Variants in JPH3 observed in about 807,000 individuals in gnomAD.
The protein encoded by JPH3 is junctophilin-3.
JPH3 carries 11 observed loss-of-function variants against 59.6 expected under a neutral mutation model. The ratio of observed to expected loss-of-function variants is 0.18; its 90% CI spans 0.12 to 0.31. The LOEUF is 0.31. Ranked by LOEUF, JPH3 falls within the 10% of genes least tolerant of loss-of-function variation. The pLI is 1.00. For missense variants in JPH3, 1,202 were observed against 1,105.7 expected (o/e 1.09, Z -1.24); for synonymous variants, 673 against 483.6 (o/e 1.39, Z -5.14).
intron 2 of JPH3, among the ~76,000 whole-genome samples, chr16:87,661,617 A>T (rs534757926): frequency 6.6e-6 from 1 of 151,920 alleles, no homozygotes; most frequent in Non-Finnish European, 1.5e-5. Flanking sequence ...CCGAGAACAC[A>T]CCCCACTTTA....
chr16:87,684,319 G>A, intron 3 of JPH3, 53 bp downstream of exon 3: 1 of 1,599,264 alleles, frequency 6.3e-7, no homozygotes, highest in Non-Finnish European at 8.5e-7. Context: ...TGCGTGGATG[G>A]CTGGGCAGTC....
In JPH3 at chr16:87,623,627, C is replaced by A. The variant is rs186561764; in HGVS notation, c.382+20099C>A. Among the ~76,000 whole-genome samples, 407 of 152,350 alleles carry A rather than the reference C, an allele frequency of 2.7e-3. 6 individuals carry two copies. The highest frequency in any genetic ancestry group is 8.8e-3 in the African/African-American group (368 of 41,586). ...CTGTGAACCCCTTGGGAGCTGCAGACCCCGAGTTCCGGACCCCCTCACCTC... is the reference window on the plus strand; with the variant it reads ...CTGTGAACCCCTTGGGAGCTGCAGAACCCGAGTTCCGGACCCCCTCACCTC... On this transcript the variant is annotated intron_variant, in intron 1 of 4. Coordinates refer to ENST00000284262, the MANE Select transcript of JPH3 (RefSeq NM_020655.4).
intron 2 of JPH3, among the ~76,000 whole-genome samples, chr16:87,656,354 C>G (rs1461086464): frequency 6.6e-6 from 1 of 152,182 alleles, no homozygotes; most frequent in African/African-American, 2.4e-5. Context: ...AGGATTCCAG[C>G]AAAGGAAGCT....
Position 87,644,395 on chromosome 16 carries a change from G to A in JPH3, c.520G>A (p.Gly174Ser), listed in dbSNP as rs1045951970. 5.0e-6 allele frequency: 8 copies of A among 1,612,588 alleles called. No homozygotes were observed. The Admixed American group carries it at 6.7e-5, about 13-fold the overall frequency. The change falls in exon 2 of 5, where the codon GGC (glycine) becomes AGC (serine). Residue 174 changes from glycine (G) to serine (S), a missense_variant. Gly to Ser is a moderately conservative substitution (Grantham distance 56). Transcript: ENST00000284262. The stretch of plus-strand genomic sequence containing the variant: ...CTCCCTGCGCAGCGAGCACACCAAC[G>A]GCACGGCGCTGCATCCCGACGCCTC... ...INSLRSEHTN[G>S]TALHPDASPA...
At chr16:87,664,060 G>A (rs140724876) in intron 2 of JPH3, among the ~76,000 whole-genome samples, 54 of 152,314 alleles carry the variant, frequency 3.5e-4, no homozygotes, top group Non-Finnish European at 6.3e-4. Context: ...AGCTGGGCGC[G>A]GTGGCTCACG....
rs1364853153 is a variant in JPH3 at position 87,644,553 on chromosome 16, C to G, written c.678C>G (p.Arg226=). 6.2e-7 allele frequency: 1 copy of G among 1,612,830 alleles called. No individual in the cohort carries two copies. The highest frequency in any genetic ancestry group is 1.7e-5 in the Admixed American group (1 of 60,014). ...CGCTGCTGAGTGGGCTGAAGCTGCG[C>G]AAGTCGGAGTCCAAGAGCAGCCTGG... is the stretch of plus-strand genomic sequence containing the variant. ...RRSLLSGLKL[R]KSESKSSLAS... is the part of the protein sequence containing the mutation. Residue 226 remains arginine (R), a synonymous_variant, in exon 2 of 5, where the codon CGC becomes CGG. Transcript: ENST00000284262.
At chr16:87,647,124 G>A (rs1207745808) in intron 2 of JPH3, among the ~76,000 whole-genome samples, 1 of 152,124 alleles carries the variant, frequency 6.6e-6, no homozygotes, top group Non-Finnish European at 1.5e-5. Flanking sequence ...CCTCTTCCTG[G>A]GGTTTTGGGG....
intron 4 of JPH3, among the ~76,000 whole-genome samples, chr16:87,692,328 A>T (rs184950557): frequency 6.6e-6 from 1 of 152,288 alleles, no homozygotes; most frequent in Non-Finnish European, 1.5e-5. Flanking sequence ...TGTTGGTGGG[A>T]AGCAGGAGGG....
intron 2 of JPH3, among the ~76,000 whole-genome samples, chr16:87,647,397 G>A (rs1299075441): frequency 6.6e-6 from 1 of 152,076 alleles, no homozygotes; most frequent in African/African-American, 2.4e-5. Context: ...ACAGACGGGT[G>A]GAGGGAGTGA....
chr16:87,689,581 A>G, intron 3 of JPH3, 65 bp from the exon 4 acceptor site: 2 of 1,534,612 alleles, frequency 1.3e-6, no homozygotes. Context: ...TGGCCCGGGG[A>G]CCGCGGCCTC....
intron 3 of JPH3, among the ~76,000 whole-genome samples, chr16:87,685,127 C>G (rs985278959): frequency 2.6e-5 from 4 of 152,234 alleles, no homozygotes; most frequent in African/African-American, 9.6e-5. Flanking sequence ...GATGAGGAGC[C>G]CAGCCTGGGG....
At chr16:87,630,340 C>CCT (rs2031525646) in intron 1 of JPH3, among the ~76,000 whole-genome samples, 1 of 152,224 alleles carries the variant, frequency 6.6e-6, no homozygotes, top group African/African-American at 2.4e-5. Context: ...CAATCATCTT[C>CCT]CTCACCCTCA....
rs1397195648 is a variant in JPH3 at position 87,696,736 on chromosome 16, G to A, written c.*76G>A. 1.6e-6 allele frequency: 2 copies of A among 1,230,398 alleles called. No individual in the cohort carries two copies. Among genetic ancestry groups the A allele is most frequent in the African/African-American group, 1.5e-5 (1 of 67,364 alleles). The allele number at this position is 1,230,398 out of a possible 1,614,324, so 76.2% of individuals were successfully genotyped here. A position where few individuals can be genotyped will look rare whatever the true frequency, so the allele number is the denominator to read the frequency against. On this transcript the variant is annotated 3_prime_UTR_variant, in exon 5 of 5. Coordinates refer to ENST00000284262, the MANE Select transcript of JPH3 (RefSeq NM_020655.4). ...AAAATTAAAAGCAAAACCACAAGAA[G>A]GGAAAGACCGCAACTCGGACAGCCC...
intron 1 of JPH3, among the ~76,000 whole-genome samples, chr16:87,617,179 C>T (rs527841394): frequency 1.1e-4 from 17 of 150,886 alleles, no homozygotes; most frequent in South Asian, 6.2e-4. Context: ...GCCGAGATTG[C>T]GCCGTTGCAC....
At chr16:87,622,198 C>A (rs923991781) in intron 1 of JPH3, among the ~76,000 whole-genome samples, 8 of 152,206 alleles carry the variant, frequency 5.3e-5, no homozygotes. Context: ...GAGCTGCCTG[C>A]CTTCCGAGGC....
At chr16:87,607,954 C>G (rs2030587228) in intron 1 of JPH3, among the ~76,000 whole-genome samples, 1 of 152,256 alleles carries the variant, frequency 6.6e-6, no homozygotes, top group Non-Finnish European at 1.5e-5. Context: ...AAGAAGCAAA[C>G]AGCTATTTTT....
chr16:87,619,374 A>G (rs1283632899), intron 1 of JPH3, among the ~76,000 whole-genome samples: 1 of 151,368 alleles, frequency 6.6e-6, no homozygotes, highest in Non-Finnish European at 1.5e-5. Flanking sequence ...ACATTTTCGT[A>G]GGCTGTAGAC....
chr16:87,689,996 G>A lies in JPH3; in HGVS notation c.1636G>A (p.Ala546Thr), dbSNP rs763905837. 9.3e-6 allele frequency: 14 copies of A among 1,497,476 alleles called. No individual in the cohort carries two copies. Among genetic ancestry groups the A allele is most frequent in the South Asian group, 9.3e-5 (7 of 75,282 alleles). 92.8% of individuals were successfully genotyped at this position (1,497,476 alleles called of 1,614,324 possible). The change falls in exon 4 of 5, where the codon GCC becomes ACC. Residue 546 changes from alanine to threonine, a missense_variant. Ala to Thr is a moderately conservative substitution (Grantham distance 58). Transcript: ENST00000284262. ...GGGCTCCAGGGGTGTCCGCAGCGGTGCCCTGCGCGGCGGCCTGCTCGTGGA... is the reference window on the plus strand; with the variant it reads ...GGGCTCCAGGGGTGTCCGCAGCGGTACCCTGCGCGGCGGCCTGCTCGTGGA... The part of the protein sequence containing the change: ...AGGSRGVRSG[A>T]LRGGLLVDDF...
chr16:87,696,064 G>C (rs1424772276), intron 4 of JPH3: 1 of 456,436 alleles, frequency 2.2e-6, no homozygotes, highest in Admixed American at 2.3e-5. Flanking sequence ...GTGTGGTGAG[G>C]GGGGGTTTTG....
Sources: gnomAD v4.1 joint callset for allele counts (sites outside exome capture counted in the v4.1 genomes callset) on GRCh38, gnomAD v4.1.1 for gene constraint, MANE v1.5 for transcripts, NCBI Gene and HGNC (gene_info 2026-07-23, HGNC 2026-07-21) for gene names.